Variants in DSCAML1 observed in about 807,000 individuals in gnomAD.
DSCAML1 encodes DS cell adhesion molecule like 1, also known as cell adhesion molecule DSCAML1.
In DSCAML1, 38 loss-of-function variants were observed where a neutral mutation model predicts 200.5. That is an observed-to-expected ratio of 0.19 (90% CI 0.15 to 0.25). DSCAML1 has a LOEUF of 0.25. DSCAML1 is among the 10% of genes least tolerant of loss of function. The probability of loss-of-function intolerance (pLI) is 1.00; values close to 1 mark genes in which losing one functional copy is unlikely to be tolerated. For missense variants in DSCAML1, 2,223 were observed against 2,858.8 expected (o/e 0.78, Z 5.07); for synonymous variants, 1,215 against 1,165.0 (o/e 1.04, Z -0.87).
intron 3 of DSCAML1, among the ~76,000 whole-genome samples, chr11:117,688,456 C>G (rs1302822062): frequency 2.0e-5 from 3 of 152,206 alleles, no homozygotes; most frequent in Admixed American, 2.0e-4. Context: ...CTGCTTCTCA[C>G]CTCCTCAGCC....
chr11:117,627,032 G>A (rs770772152), intron 3 of DSCAML1, among the ~76,000 whole-genome samples: 4 of 152,186 alleles, frequency 2.6e-5, no homozygotes, highest in Non-Finnish European at 4.4e-5. Flanking sequence ...CATTTATGGC[G>A]GGAAGTTTTA....
At chr11:117,670,190 G>T (rs140364907) in intron 3 of DSCAML1, among the ~76,000 whole-genome samples, 13 of 152,206 alleles carry the variant, frequency 8.5e-5, no homozygotes, top group East Asian at 5.8e-4. Context: ...ACAAATATAT[G>T]CATAGGAGTG....
chr11:117,519,453 C>T (rs149066301), intron 6 of DSCAML1, among the ~76,000 whole-genome samples: 1 of 152,166 alleles, frequency 6.6e-6, no homozygotes, highest in African/African-American at 2.4e-5. Context: ...ACGTGGAACA[C>T]GGGGATGTAA....
At chr11:117,632,447 C>G (rs1389882240) in intron 3 of DSCAML1, among the ~76,000 whole-genome samples, 1 of 152,168 alleles carries the variant, frequency 6.6e-6, no homozygotes, top group Admixed American at 6.5e-5. Flanking sequence ...TTGAAGCCTT[C>G]TTGTTTAAAC....
intron 16 of DSCAML1, among the ~76,000 whole-genome samples, chr11:117,467,697 T>C (rs2048611783): frequency 6.6e-6 from 1 of 152,212 alleles, no homozygotes; most frequent in South Asian, 2.1e-4. Flanking sequence ...TGGGCAGTTC[T>C]GCTTGCTGCT....
intron 3 of DSCAML1, among the ~76,000 whole-genome samples, chr11:117,559,526 T>G (rs1393733226): frequency 6.6e-6 from 1 of 152,216 alleles, no homozygotes; most frequent in Non-Finnish European, 1.5e-5. Flanking sequence ...ACTCCTGCTT[T>G]TCTGAAATGT....
At chr11:117,519,744 C>G (rs2049851092) in intron 6 of DSCAML1, among the ~76,000 whole-genome samples, 1 of 152,202 alleles carries the variant, frequency 6.6e-6, no homozygotes, top group Non-Finnish European at 1.5e-5. Context: ...TGCTTGAACT[C>G]AGGAGTTTGA....
At chr11:117,627,812 C>T (rs937529223) in intron 3 of DSCAML1, among the ~76,000 whole-genome samples, 7 of 152,120 alleles carry the variant, frequency 4.6e-5, no homozygotes, top group African/African-American at 1.7e-4. Context: ...TCAGGCCCCG[C>T]TGCCCACATG....
chr11:117,609,555 C>A (rs200588770), intron 3 of DSCAML1, among the ~76,000 whole-genome samples: 2 of 152,132 alleles, frequency 1.3e-5, no homozygotes, highest in East Asian at 3.9e-4. Context: ...AATCCTCTTG[C>A]GTCGGCCTCC....
At chr11:117,798,490 T>C (rs530155343), upstream of DSCAML1, among the ~76,000 whole-genome samples, 54 of 152,242 alleles carry the variant, frequency 3.5e-4, no homozygotes, top group Non-Finnish European at 3.1e-4. Flanking sequence ...TTTCAACCAT[T>C]TGAAGTGTAC....
intron 3 of DSCAML1, among the ~76,000 whole-genome samples, chr11:117,694,082 C>CATATATATATATATATATATACACAT (rs55662300): frequency 4.3e-5 from 6 of 139,246 alleles, no homozygotes; most frequent in Non-Finnish European, 7.8e-5. Context: ...TATATATACA[C>CATATATATATATATATATATACACAT]ATATATATAT....
At chr11:117,459,018 C>A in intron 18 of DSCAML1, 109 bp from the exon 19 acceptor site, 1 of 1,412,452 alleles carries the variant, frequency 7.1e-7, no homozygotes, top group Non-Finnish European at 9.6e-7. Flanking sequence ...GCTCAGCCCT[C>A]GACTCCATGG....
upstream of DSCAML1, among the ~76,000 whole-genome samples, chr11:117,800,132 C>A (rs1482062958): frequency 6.6e-6 from 1 of 152,182 alleles, no homozygotes; most frequent in Non-Finnish European, 1.5e-5. Flanking sequence ...TTTGTTCTTC[C>A]TTAGTATCTA....
chr11:117,461,577 C>T lies in DSCAML1; in HGVS notation c.3285G>A (p.Glu1095=). 4 of 1,613,570 alleles carry T rather than the reference C, an allele frequency of 2.5e-6. No individual in the cohort carries two copies. Among genetic ancestry groups the T allele is most frequent in the Non-Finnish European group, 3.4e-6 (4 of 1,180,034 alleles). Residue 1095 remains glutamate, a synonymous_variant, in exon 18 of 33, where the codon GAG becomes GAA. Coordinates refer to ENST00000651296, the MANE Select transcript of DSCAML1 (RefSeq NM_020693.4). ...AAGTGATGGACAGGGCCCGGACGTT[C>T]TCAGGGGGCTGGCTGGGCACTGCAG... ...TLEDVPSQPP[E]NVRALSITSD...
chr11:117,741,849 C>A (rs967640023), intron 3 of DSCAML1, among the ~76,000 whole-genome samples: 18 of 152,184 alleles, frequency 1.2e-4, no homozygotes, highest in Non-Finnish European at 2.6e-4. Flanking sequence ...AGCCCACAAG[C>A]TCCATACCAC....
At chr11:117,559,651 G>GTGTT (rs1404604810) in intron 3 of DSCAML1, among the ~76,000 whole-genome samples, 1 of 152,138 alleles carries the variant, frequency 6.6e-6, no homozygotes, top group Admixed American at 6.5e-5. Context: ...CTCAGCATCA[G>GTGTT]TGTTTGGCTT....
chr11:117,560,881 A>G (rs1273348261), intron 3 of DSCAML1, among the ~76,000 whole-genome samples: 2 of 152,198 alleles, frequency 1.3e-5, no homozygotes, highest in Non-Finnish European at 2.9e-5. Context: ...TTAATGAGGC[A>G]GTAACAGGAA....
chr11:117,578,236 G>GGAAAA (rs755668465), intron 3 of DSCAML1, among the ~76,000 whole-genome samples: 2 of 101,410 alleles, frequency 2.0e-5, no homozygotes, highest in African/African-American at 8.8e-5. Flanking sequence ...ACTCTGTCTC[G>GGAAAA]AAAAAAAAAA....
At chr11:117,715,480 G>GTT (rs1233298002) in intron 3 of DSCAML1, among the ~76,000 whole-genome samples, 142 of 152,310 alleles carry the variant, frequency 9.3e-4, no homozygotes, top group African/African-American at 3.2e-3. Context: ...TATATCAAAT[G>GTT]CCTACTATGT....
Sources: gnomAD v4.1 joint callset for allele counts (sites outside exome capture counted in the v4.1 genomes callset) on GRCh38, gnomAD v4.1.1 for gene constraint, MANE v1.5 for transcripts, NCBI Gene and HGNC (gene_info 2026-07-23, HGNC 2026-07-21) for gene names.